Variants in SLC38A12 observed in about 807,000 individuals in gnomAD.
The protein encoded by SLC38A12 is putative sodium-coupled neutral amino acid transporter 12.
the SLC38A12 span, among the ~76,000 whole-genome samples, chr17:74,789,492 T>C: frequency 2.7e-5 from 4 of 146,976 alleles, no homozygotes; most frequent in African/African-American, 1.0e-4. Flanking sequence ...ATTGTGCCAC[T>C]GCACTCCATC....
At chr17:74,812,037 A>C in the SLC38A12 span, among the ~76,000 whole-genome samples, 2 of 145,914 alleles carry the variant, frequency 1.4e-5, no homozygotes, top group African/African-American at 5.2e-5. Context: ...CAGTGCCTCA[A>C]AAAAAAAAAA....
the SLC38A12 span, among the ~76,000 whole-genome samples, chr17:74,811,177 A>G: frequency 6.6e-5 from 10 of 152,236 alleles, no homozygotes; most frequent in Admixed American, 5.9e-4. Flanking sequence ...AAAAAATACA[A>G]AAATTAGCGA....
chr17:74,816,556 C>G, the SLC38A12 span, among the ~76,000 whole-genome samples: 1 of 152,244 alleles, frequency 6.6e-6, no homozygotes, highest in South Asian at 2.1e-4. Context: ...TATCTAAACT[C>G]ACTGACCCAA....
the SLC38A12 span, among the ~76,000 whole-genome samples, chr17:74,805,688 C>T: frequency 3.3e-5 from 5 of 152,224 alleles, no homozygotes; most frequent in African/African-American, 1.2e-4. This position sits in a 1 kb window ranked among gnomAD's most constrained non-coding sequence, Gnocchi z 5.0. Flanking sequence ...GCCAGCTGGG[C>T]CTGTGCAGCC....
At chr17:74,837,132 G>C in the SLC38A12 span, 3 of 989,828 alleles carry the variant, frequency 3.0e-6, no homozygotes, top group Admixed American at 6.1e-5. Flanking sequence ...TCCACTAGCA[G>C]CTGCTGCCTC....
the SLC38A12 span, chr17:74,837,243 AG>A: frequency 1.0e-6 from 1 of 985,524 alleles, no homozygotes; most frequent in Non-Finnish European, 1.2e-6. Context: ...GTGCCACCTC[AG>A]AGAGGGCCTG....
the SLC38A12 span, chr17:74,837,924 C>T: frequency 1.0e-6 from 1 of 985,636 alleles, no homozygotes; most frequent in African/African-American, 1.7e-5. Context: ...AGCCCCTGGC[C>T]TGGAGCTACC....
chr17:74,788,210 CTTATT>C, the SLC38A12 span, among the ~76,000 whole-genome samples: 1 of 152,206 alleles, frequency 6.6e-6, no homozygotes, highest in African/African-American at 2.4e-5. Flanking sequence ...GAAGTGCAAA[CTTATT>C]TTAATATTAG....
chr17:74,825,629 C>T, the SLC38A12 span, among the ~76,000 whole-genome samples: 26 of 152,220 alleles, frequency 1.7e-4, no homozygotes, highest in Admixed American at 6.5e-5. Flanking sequence ...GATCTGTGTA[C>T]GGCCGAGATG....
chr17:74,826,289 T>C, the SLC38A12 span, among the ~76,000 whole-genome samples: 49 of 152,290 alleles, frequency 3.2e-4, no homozygotes, highest in African/African-American at 9.9e-4. Context: ...ACACTTGCCC[T>C]TCACCAGGCT....
the SLC38A12 span, among the ~76,000 whole-genome samples, chr17:74,834,810 CA>C: frequency 6.6e-6 from 1 of 152,352 alleles, no homozygotes; most frequent in East Asian, 1.9e-4. Flanking sequence ...ATGTTCTGAA[CA>C]GAGAGAGCAG....
chr17:74,818,243 T>G, the SLC38A12 span, among the ~76,000 whole-genome samples: 65 of 152,122 alleles, frequency 4.3e-4, 1 homozygote, highest in Admixed American at 3.3e-4. Context: ...TGCCTTCCCC[T>G]GCCCAGCCCC....
chr17:74,833,367 G>C, the SLC38A12 span, among the ~76,000 whole-genome samples: 1 of 152,308 alleles, frequency 6.6e-6, no homozygotes, highest in South Asian at 2.1e-4. Flanking sequence ...CATCATTGTT[G>C]GTGTCAAAGG....
At chr17:74,837,201 C>T in the SLC38A12 span, 10 of 985,752 alleles carry the variant, frequency 1.0e-5, no homozygotes, top group Non-Finnish European at 1.2e-5. Flanking sequence ...GACGGCAGGG[C>T]CCACCCTCCC....
At chr17:74,779,963 G>A in the SLC38A12 span, among the ~76,000 whole-genome samples, 9 of 152,360 alleles carry the variant, frequency 5.9e-5, no homozygotes, top group East Asian at 1.5e-3. Context: ...GTTCAGAGAG[G>A]TACATGTCCC....
At chr17:74,809,545 G>C in the SLC38A12 span, among the ~76,000 whole-genome samples, 2 of 152,348 alleles carry the variant, frequency 1.3e-5, no homozygotes, top group East Asian at 3.9e-4. Context: ...AGCTGCCATG[G>C]GATGGCCAGA....
At chr17:74,793,860 T>G in the SLC38A12 span, among the ~76,000 whole-genome samples, 1 of 152,284 alleles carries the variant, frequency 6.6e-6, no homozygotes, top group African/African-American at 2.4e-5. Context: ...GATCACGTTT[T>G]CTTAGTCTTT....
chr17:74,805,305 C>G, the SLC38A12 span, among the ~76,000 whole-genome samples: 1 of 152,222 alleles, frequency 6.6e-6, no homozygotes, highest in Non-Finnish European at 1.5e-5. The surrounding 1 kb of genome is among the most constrained non-coding windows in gnomAD (Gnocchi z 5.0). Flanking sequence ...TCCTGGAGTC[C>G]ACACCTAAGG....
At chr17:74,795,537 A>T in the SLC38A12 span, 3 of 1,614,070 alleles carry the variant, frequency 1.9e-6, no homozygotes, top group Non-Finnish European at 2.5e-6. Flanking sequence ...CGCCACTGGC[A>T]ATGACTCCTG....
Sources: gnomAD v4.1 joint callset for allele counts (sites outside exome capture counted in the v4.1 genomes callset) on GRCh38, gnomAD v4.1.1 for gene constraint, Gnocchi (gnomAD v3.1) non-coding constraint, MANE v1.5 for transcripts, NCBI Gene and HGNC (gene_info 2026-07-23, HGNC 2026-07-21) for gene names.